The following MTMR8 variants were observed in gnomAD, a reference collection of about 807,000 sequenced individuals.
The protein encoded by MTMR8 is phosphatidylinositol-3,5-bisphosphate 3-phosphatase MTMR8.
A neutral mutation model predicts 39.3 loss-of-function variants in MTMR8; 65 were observed. That is an observed-to-expected ratio of 1.65 (90% CI 1.35 to 2.03). The LOEUF is 2.03. Ranked by LOEUF, MTMR8 falls within the 30% of genes most tolerant of loss-of-function variation. The pLI, the probability that MTMR8 is intolerant of heterozygous loss-of-function variation, is 0.00. For missense variants in MTMR8, 777 were observed against 538.9 expected (o/e 1.44, Z -4.37); for synonymous variants, 245 against 185.2 (o/e 1.32, Z -2.62).
In MTMR8 at chrX:64,268,334, T is replaced by C; in HGVS notation, c.*203A>G. 2.5e-6 allele frequency: 1 copy of C among 402,351 alleles called. No homozygotes were observed. Among genetic ancestry groups the C allele is most frequent in the South Asian group, 6.3e-5 (1 of 15,964 alleles). The allele number at this position is 402,351 out of a possible 1,213,427, so 33.2% of individuals were successfully genotyped here. On this transcript the variant is annotated 3_prime_UTR_variant, in exon 14 of 14. Transcript: ENST00000374852. ...CATTTTAGAACAATAACATATTCTT[T>C]CTCTTGCCTACACTCTGTACTGCTT...
At chrX:64,289,663 T>TAAAAAAAAAAAAAAAAAAAA (rs1921332572) in intron 12 of MTMR8, among the ~76,000 whole-genome samples, 1 of 83,006 alleles carries the variant, frequency 1.2e-5, no homozygotes, top group African/African-American at 7.4e-5. Context: ...AAAAAAAAAT[T>TAAAAAAAAAAAAAAAAAAAA]AAGTTGGGAG....
intron 1 of MTMR8, among the ~76,000 whole-genome samples, chrX:64,381,337 C>T: frequency 8.9e-6 from 1 of 111,807 alleles, no homozygotes; most frequent in Admixed American, 9.5e-5. Context: ...ATGTGCATTT[C>T]TCTGATGGCC....
chrX:64,276,125 G>GA (rs1224617050), intron 12 of MTMR8, among the ~76,000 whole-genome samples: 2 of 110,624 alleles, frequency 1.8e-5, no homozygotes, highest in Admixed American at 1.9e-4. Flanking sequence ...TTGATCTTTT[G>GA]AAAAAAACAG....
chrX:64,268,819 G>A lies in MTMR8; in HGVS notation c.1833C>T (p.Asn611=). 8.3e-7 allele frequency: 1 copy of A among 1,211,671 alleles called. No homozygotes were observed. The change falls in exon 14 of 14, where the codon AAC becomes AAT. Residue 611 remains asparagine, a synonymous_variant. Transcript: ENST00000374852. ...VKSQGADLHH[N]CCEIVGSLRA... is the part of the protein sequence containing the mutation. ...TAAGGCTGCCCACAATCTCACAACA[G>A]TTATGGTGGAGGTCTGCACCCTGGC...
At chrX:64,283,938 C>T (rs1011558198) in intron 12 of MTMR8, among the ~76,000 whole-genome samples, 1 of 112,411 alleles carries the variant, frequency 8.9e-6, no homozygotes, top group Non-Finnish European at 1.9e-5. Context: ...CAAAGGAACG[C>T]AGCTCCTCAA....
Position 64,337,985 on chromosome X carries a change from C to T in MTMR8, c.976-592G>A, listed in dbSNP as rs771647176. On this transcript the variant is annotated intron_variant, in intron 8 of 13. Coordinates refer to ENST00000374852, the MANE Select transcript of MTMR8 (RefSeq NM_017677.4). ...CTAACAATTTTGTGCCTCTATGTGC[C>T]AGGTATTAGAAATACAAAGACTCAG... Among the ~76,000 whole-genome samples, 5 of 111,564 alleles carry T rather than the reference C, an allele frequency of 4.5e-5. No homozygotes were observed. The South Asian group carries it at 1.9e-3, about 42-fold the overall frequency.
At chrX:64,356,396 T>A in intron 2 of MTMR8, 58 bp from the exon 3 acceptor site, 3 of 1,049,162 alleles carry the variant, frequency 2.9e-6, no homozygotes, top group South Asian at 4.4e-5. Context: ...TCTATCACTA[T>A]CAGTATTCCT....
At chrX:64,284,836 G>A (rs769778392) in intron 12 of MTMR8, among the ~76,000 whole-genome samples, 1 of 112,081 alleles carries the variant, frequency 8.9e-6, no homozygotes, top group South Asian at 3.7e-4. Flanking sequence ...ACTAAACATG[G>A]AAAGGAACAG....
At chrX:64,390,838 T>C (rs1388548625) in intron 1 of MTMR8, among the ~76,000 whole-genome samples, 2 of 110,648 alleles carry the variant, frequency 1.8e-5, no homozygotes, top group Non-Finnish European at 3.8e-5. Flanking sequence ...TTTAATTTTT[T>C]GTACAGATGA....
chrX:64,353,687 C>A (rs1923542689), intron 4 of MTMR8, among the ~76,000 whole-genome samples: 1 of 111,591 alleles, frequency 9.0e-6, no homozygotes, highest in Non-Finnish European at 1.9e-5. Flanking sequence ...GTGGTTCACA[C>A]CTATAATCCC....
intron 12 of MTMR8, among the ~76,000 whole-genome samples, chrX:64,279,182 C>T (rs746116925): frequency 8.9e-6 from 1 of 111,952 alleles, no homozygotes; most frequent in South Asian, 3.7e-4. Flanking sequence ...CACCCCTTCC[C>T]CCTAACACTT....
intron 6 of MTMR8, among the ~76,000 whole-genome samples, chrX:64,347,911 T>C (rs1430850998): frequency 8.9e-6 from 1 of 112,066 alleles, no homozygotes; most frequent in African/African-American, 3.2e-5. Context: ...TGTTCAGCAA[T>C]GTTCATATTT....
rs752214874 is a variant in MTMR8 at position 64,328,873 on chromosome X, C to T, written c.1380G>A (p.Trp460Ter). 8.4e-7 allele frequency: 1 copy of T among 1,194,040 alleles called. No homozygotes were observed. Among genetic ancestry groups the T allele is most frequent in the Admixed American group, 2.4e-5 (1 of 40,817 alleles). Residue 460 changes from tryptophan to a stop codon, truncating the protein, a stop_gained, in exon 12 of 14, where the codon TGG becomes TGA. Coordinates refer to ENST00000374852, the MANE Select transcript of MTMR8 (RefSeq NM_017677.4). LOFTEE classifies it high-confidence loss of function. ...LRVYEKTHSV[W>*]PFLVQRKPDF... ...CTGGTTTCCTCTGAACCAAGAAAGG[C>T]CACACAGAATGTGTTTTCTCATAGA...
Position 64,330,342 on chromosome X carries a change from T to G in MTMR8, c.1352+1215A>C, listed in dbSNP as rs1381013074. 3.6e-5 allele frequency among the ~76,000 whole-genome samples: 4 copies of G among 111,447 alleles called. No homozygotes were observed. In the Admixed American group the frequency reaches 3.8e-4, roughly 11 times the overall value. On this transcript the variant is annotated intron_variant, in intron 11 of 13. Transcript: ENST00000374852. ...CAGAGAGAGAGAAACATGCATGGCA[T>G]CAAGAGAGAAACTACCAAGTAAGTA...
chrX:64,327,809 G>A (rs188191554), intron 12 of MTMR8, among the ~76,000 whole-genome samples: 33 of 111,550 alleles, frequency 3.0e-4, no homozygotes, highest in African/African-American at 1.1e-3. Context: ...TTGAGAAGGA[G>A]AATGTGGTAT....
At chrX:64,394,759 C>T (rs1008287763) in intron 1 of MTMR8, among the ~76,000 whole-genome samples, 7 of 112,177 alleles carry the variant, frequency 6.2e-5, no homozygotes, top group Admixed American at 5.7e-4. Context: ...GAGCCAGATC[C>T]ACTCTGCCCC....
chrX:64,310,224 T>G lies in MTMR8; in HGVS notation c.1481+18548A>C, dbSNP rs199679982. Reference sequence around the variant, plus strand: ...TCGACAATGTTCACAGCATCTTTACTAGGAGTAAATTCCATCAAATAAATC... The same window carrying G: ...TCGACAATGTTCACAGCATCTTTACGAGGAGTAAATTCCATCAAATAAATC... On this transcript the variant is annotated intron_variant, in intron 12 of 13. Coordinates refer to ENST00000374852, the MANE Select transcript of MTMR8 (RefSeq NM_017677.4). Among the ~76,000 whole-genome samples, 25 of 112,226 alleles carry G rather than the reference T, an allele frequency of 2.2e-4. No homozygotes were observed. The East Asian group carries it at 5.6e-3, about 25-fold the overall frequency.
At chrX:64,320,453 G>A (rs1171775197) in intron 12 of MTMR8, among the ~76,000 whole-genome samples, 1 of 110,691 alleles carries the variant, frequency 9.0e-6, no homozygotes, top group Non-Finnish European at 1.9e-5. Flanking sequence ...ATTTTGGCCT[G>A]CCTGGTAGCT....
At chrX:64,298,775 G>T (rs1263116125) in intron 12 of MTMR8, among the ~76,000 whole-genome samples, 141 of 54,003 alleles carry the variant, frequency 2.6e-3, no homozygotes, top group Non-Finnish European at 2.9e-3. Flanking sequence ...TTTATTGAGA[G>T]TTTTTAGCAT....
Sources: allele counts gnomAD v4.1 joint callset (sites outside exome capture counted in the v4.1 genomes callset), GRCh38; gene constraint gnomAD v4.1.1; transcripts MANE v1.5; gene names NCBI Gene and HGNC (gene_info 2026-07-23, HGNC 2026-07-21).